The following TENM1 variants were observed in gnomAD, a reference collection of about 807,000 sequenced individuals.
The protein encoded by TENM1 is teneurin-1.
A neutral mutation model predicts 174.8 loss-of-function variants in TENM1; 35 were observed. The ratio of observed to expected loss-of-function variants is 0.20; its 90% CI spans 0.15 to 0.27. The LOEUF is 0.27. Among genes scored for constraint, TENM1 ranks in the 10% least tolerant of loss-of-function variants. The pLI is 1.00. For missense variants in TENM1, 1,633 were observed against 2,130.1 expected (o/e 0.77, Z 4.59); for synonymous variants, 781 against 798.7 (o/e 0.98, Z 0.37).
At chrX:125,141,781 C>T in the TENM1 span, among the ~76,000 whole-genome samples, 4 of 111,512 alleles carry the variant, frequency 3.6e-5, no homozygotes, top group Non-Finnish European at 7.5e-5. Flanking sequence ...TTTTTCAGGA[C>T]AATCTTGTGT....
chrX:124,583,701 G>C (rs1309729806), intron 11 of TENM1, among the ~76,000 whole-genome samples: 5 of 112,373 alleles, frequency 4.4e-5, no homozygotes, highest in African/African-American at 1.6e-4. Context: ...ACTTTGACGA[G>C]TTGAGAGAAG....
intron 3 of TENM1, among the ~76,000 whole-genome samples, chrX:124,830,806 C>T (rs1016517486): frequency 8.9e-6 from 1 of 111,956 alleles, no homozygotes; most frequent in Admixed American, 9.4e-5. Flanking sequence ...CCACCATTCC[C>T]ACCTCTTATA....
At chrX:124,989,694 C>T in the TENM1 span, among the ~76,000 whole-genome samples, 1 of 107,476 alleles carries the variant, frequency 9.3e-6, no homozygotes, top group East Asian at 2.9e-4. Flanking sequence ...CAAATGGAAG[C>T]AGTTTCAAAA....
At chrX:124,620,984 C>G (rs1242868587) in intron 11 of TENM1, among the ~76,000 whole-genome samples, 1 of 111,437 alleles carries the variant, frequency 9.0e-6, no homozygotes. Flanking sequence ...TACTTAGCGG[C>G]CCAAAGAGAT....
chrX:124,754,320 G>A (rs1891889734), intron 3 of TENM1, among the ~76,000 whole-genome samples: 2 of 111,580 alleles, frequency 1.8e-5, no homozygotes, highest in South Asian at 3.8e-4. Flanking sequence ...ATTTCTGTGG[G>A]ATTGGTGGTG....
intron 21 of TENM1, among the ~76,000 whole-genome samples, chrX:124,486,946 C>T (rs2046965655): frequency 9.0e-6 from 1 of 111,699 alleles, no homozygotes. Flanking sequence ...AACTTAAGGC[C>T]TTGCTTTCCC....
At chrX:124,498,976 A>G (rs2070265213) in intron 19 of TENM1, among the ~76,000 whole-genome samples, 1 of 111,161 alleles carries the variant, frequency 9.0e-6, no homozygotes, top group South Asian at 3.8e-4. Context: ...AAACCTGCTG[A>G]GCCTGGGCAG....
At chrX:124,668,459 T>A (rs1788470233) in intron 6 of TENM1, among the ~76,000 whole-genome samples, 1 of 112,191 alleles carries the variant, frequency 8.9e-6, no homozygotes, top group Non-Finnish European at 1.9e-5. Flanking sequence ...CAAATGTCCA[T>A]CAATGATAGA....
At chrX:124,674,966 G>A (rs932160577) in intron 5 of TENM1, among the ~76,000 whole-genome samples, 6 of 111,158 alleles carry the variant, frequency 5.4e-5, no homozygotes, top group African/African-American at 1.6e-4. Flanking sequence ...CTTTCCTGGC[G>A]GCACTTGAAA....
chrX:124,916,603 T>C (rs779799246), intron 1 of TENM1, among the ~76,000 whole-genome samples: 15 of 111,644 alleles, frequency 1.3e-4, no homozygotes, highest in African/African-American at 4.6e-4. Context: ...AGTTCTCATG[T>C]TGAAATTTAA....
the TENM1 span, among the ~76,000 whole-genome samples, chrX:125,098,062 G>C: frequency 8.9e-6 from 1 of 111,918 alleles, no homozygotes; most frequent in South Asian, 3.7e-4. Context: ...AGGAGATCGA[G>C]ACCATCCTGG....
chrX:124,504,380 C>T (rs1310663334), intron 18 of TENM1, among the ~76,000 whole-genome samples: 3 of 112,051 alleles, frequency 2.7e-5, no homozygotes, highest in South Asian at 7.5e-4. Flanking sequence ...AGATGTTGTA[C>T]ATTAAACGTG....
intron 16 of TENM1, among the ~76,000 whole-genome samples, chrX:124,524,611 T>C: frequency 9.0e-6 from 1 of 111,669 alleles, no homozygotes; most frequent in African/African-American, 3.3e-5. Flanking sequence ...TTGGTTTCTT[T>C]TTGTAAGACA....
intron 15 of TENM1, among the ~76,000 whole-genome samples, chrX:124,544,049 G>A (rs958169369): frequency 1.2e-4 from 13 of 112,933 alleles, no homozygotes; most frequent in African/African-American, 2.9e-4. Context: ...GCATTTTGCC[G>A]GTAGGCAAAC....
intron 12 of TENM1, among the ~76,000 whole-genome samples, chrX:124,565,116 G>A (rs746317466): frequency 1.8e-5 from 2 of 111,883 alleles, no homozygotes; most frequent in Admixed American, 9.5e-5. Flanking sequence ...TTTCACTTGA[G>A]TAACTCAAAG....
At chrX:124,418,242 A>T (rs1329753456) in intron 25 of TENM1, among the ~76,000 whole-genome samples, 1 of 111,695 alleles carries the variant, frequency 9.0e-6, no homozygotes, top group African/African-American at 3.3e-5. Context: ...AACCTTACTC[A>T]TTCCACTTCC....
intron 22 of TENM1, 29 bp downstream of exon 25, chrX:124,481,703 A>ATATATATATATC: frequency 2.0e-5 from 7 of 350,973 alleles, no homozygotes; most frequent in East Asian, 5.0e-5. Context: ...GGGTATATAT[A>ATATATATATATC]TATATATATT....
chrX:125,187,562 C>T, the TENM1 span, among the ~76,000 whole-genome samples: 3 of 111,685 alleles, frequency 2.7e-5, no homozygotes. Flanking sequence ...AGCCATTAAA[C>T]ATAATATGGG....
intron 22 of TENM1, among the ~76,000 whole-genome samples, chrX:124,456,868 T>C (rs1459131952): frequency 8.9e-6 from 1 of 112,078 alleles, no homozygotes; most frequent in Admixed American, 9.5e-5. Context: ...CCAACGGTCA[T>C]GTTCATTGAT....
Sources: allele counts gnomAD v4.1 joint callset (sites outside exome capture counted in the v4.1 genomes callset), GRCh38; gene constraint gnomAD v4.1.1; transcripts MANE v1.5; gene names NCBI Gene and HGNC (gene_info 2026-07-23, HGNC 2026-07-21).